Variants in SNAP47 observed in about 807,000 individuals in gnomAD.
SNAP47 encodes the protein synaptosome associated protein 47, also known as synaptosomal-associated protein 47.
In SNAP47, 20 loss-of-function variants were observed where a neutral mutation model predicts 31.4. That is an observed-to-expected ratio of 0.64 (90% CI 0.45 to 0.93). The LOEUF is 0.93. Ranked by LOEUF, SNAP47 falls within the 40% of genes least tolerant of loss-of-function variation. The probability of loss-of-function intolerance (pLI) is 0.00; values close to 1 mark genes in which losing one functional copy is unlikely to be tolerated. For missense variants in SNAP47, 492 were observed against 528.5 expected, an observed-to-expected ratio of 0.93 and a Z score of 0.68; for synonymous variants, 194 against 213.4, an observed-to-expected ratio of 0.91 and a Z score of 0.79.
chr1:227,733,538 G>A (rs185493209), upstream of SNAP47: 1 of 1,607,258 alleles, frequency 6.2e-7, no homozygotes, highest in African/African-American at 1.3e-5. Context: ...GCAGAGTGCT[G>A]GGGAGGTCAC....
chr1:227,743,424 G>C (rs1332699599), intron 1 of SNAP47, among the ~76,000 whole-genome samples: 2 of 152,144 alleles, frequency 1.3e-5, no homozygotes, highest in African/African-American at 4.8e-5. Flanking sequence ...GCCTCCCGTG[G>C]GCTCCGGCCT....
intron 1 of SNAP47, among the ~76,000 whole-genome samples, chr1:227,740,933 G>A (rs1261625370): frequency 1.3e-5 from 2 of 151,062 alleles, no homozygotes; most frequent in Non-Finnish European, 3.0e-5. Context: ...CCCGTTAGGG[G>A]TGGGGGCAGA....
upstream of SNAP47, chr1:227,734,503 A>G (rs1042191232): frequency 7.9e-5 from 54 of 683,838 alleles, no homozygotes; most frequent in Non-Finnish European, 1.3e-4. Flanking sequence ...CATGCGGAAG[A>G]CAATCCAGTT....
intron 1 of SNAP47, chr1:227,747,330 T>C (rs1662030691): frequency 5.0e-6 from 1 of 201,790 alleles, no homozygotes; most frequent in Non-Finnish European, 9.9e-6. Flanking sequence ...AAGTCTCCAG[T>C]GATGTCCTCC....
At chr1:227,751,337 G>A (rs577598902) in intron 2 of SNAP47, among the ~76,000 whole-genome samples, 4 of 152,268 alleles carry the variant, frequency 2.6e-5, no homozygotes, top group Non-Finnish European at 4.4e-5. Flanking sequence ...CCTGGCCACC[G>A]CAGGCCCCAC....
upstream of SNAP47, chr1:227,732,662 G>A (rs186121628): frequency 1.2e-6 from 2 of 1,612,934 alleles, no homozygotes; most frequent in East Asian, 4.5e-5. Flanking sequence ...TGCCCGAGCA[G>A]GACCTCATGA....
At chr1:227,749,096 C>T (rs949912774) in intron 2 of SNAP47, among the ~76,000 whole-genome samples, 1 of 152,156 alleles carries the variant, frequency 6.6e-6, no homozygotes, top group Admixed American at 6.5e-5. Flanking sequence ...GAAAAACCTT[C>T]GGGTCTTGCG....
chr1:227,740,775 A>G (rs1022072195), intron 1 of SNAP47, among the ~76,000 whole-genome samples: 2 of 152,200 alleles, frequency 1.3e-5, no homozygotes, highest in Non-Finnish European at 2.9e-5. Context: ...GAGAGGAGTC[A>G]GAAGTCCTGG....
intron 1 of SNAP47, among the ~76,000 whole-genome samples, chr1:227,729,529 AGGATGTGGCCTT>A (rs1463888194): frequency 2.0e-5 from 3 of 152,184 alleles, no homozygotes; most frequent in African/African-American, 7.2e-5. Flanking sequence ...AGCAAAGGGA[AGGATGTGGCCTT>A]GGATGTGGCT....
At chr1:227,767,145 C>T (rs1663466101) in intron 4 of SNAP47, 62 bp downstream of exon 4, 6 of 1,593,850 alleles carry the variant, frequency 3.8e-6, no homozygotes, top group Non-Finnish European at 5.1e-6. Flanking sequence ...CAGGCTGCTC[C>T]TCTTGCCTTT....
At chr1:227,761,653 G>A (rs778651297) in intron 3 of SNAP47, among the ~76,000 whole-genome samples, 9 of 152,192 alleles carry the variant, frequency 5.9e-5, no homozygotes, top group Non-Finnish European at 8.8e-5. Flanking sequence ...ACTCCTGCAC[G>A]TGGCTTCAGG....
At chr1:227,739,582 G>A (rs916412276) in intron 1 of SNAP47, among the ~76,000 whole-genome samples, 3 of 152,218 alleles carry the variant, frequency 2.0e-5, no homozygotes, top group African/African-American at 7.2e-5. Context: ...TGGTTGCGAG[G>A]TAGTGGAAGG....
At chr1:227,743,727 A>C (rs1295085250) in intron 1 of SNAP47, 2 of 152,210 alleles carry the variant, frequency 1.3e-5, no homozygotes, top group African/African-American at 2.4e-5. Flanking sequence ...TTGTCTCCTT[A>C]GATACCCATA....
chr1:227,771,255 T>A (rs1663784408), intron 4 of SNAP47, among the ~76,000 whole-genome samples: 1 of 152,226 alleles, frequency 6.6e-6, no homozygotes, highest in African/African-American at 2.4e-5. Flanking sequence ...GTGATGCTGT[T>A]TTTATTTATG....
chr1:227,737,740 A>G (rs1054122103), intron 1 of SNAP47, among the ~76,000 whole-genome samples: 1 of 152,082 alleles, frequency 6.6e-6, no homozygotes, highest in Non-Finnish European at 1.5e-5. Context: ...CTAGGAGGAA[A>G]GTGAGTTTTG....
At chr1:227,738,291 C>T (rs188510235) in intron 1 of SNAP47, among the ~76,000 whole-genome samples, 8 of 152,290 alleles carry the variant, frequency 5.3e-5, no homozygotes, top group East Asian at 1.9e-4. Flanking sequence ...CTGCCCGACT[C>T]GGCCTCCCAA....
intron 1 of SNAP47, among the ~76,000 whole-genome samples, chr1:227,744,572 C>A (rs562918902): frequency 6.6e-6 from 1 of 151,846 alleles, no homozygotes; most frequent in South Asian, 2.1e-4. Context: ...TTCTCCCTCC[C>A]TCCCCCTCCT....
At chr1:227,769,271 G>A (rs1280762020) in intron 4 of SNAP47, among the ~76,000 whole-genome samples, 1 of 152,170 alleles carries the variant, frequency 6.6e-6, no homozygotes, top group Non-Finnish European at 1.5e-5. Flanking sequence ...TGGCAGAGCG[G>A]GAGGAAGCAG....
chr1:227,764,093 C>T (rs1390418581), intron 3 of SNAP47, among the ~76,000 whole-genome samples: 4 of 152,212 alleles, frequency 2.6e-5, no homozygotes, highest in Non-Finnish European at 5.9e-5. Context: ...CCCGGACAGT[C>T]GAGTCACCCC....
Sources: gnomAD v4.1 joint callset for allele counts (sites outside exome capture counted in the v4.1 genomes callset) on GRCh38, gnomAD v4.1.1 for gene constraint, MANE v1.5 for transcripts, NCBI Gene and HGNC (gene_info 2026-07-23, HGNC 2026-07-21) for gene names.